The following NDUFA8 variants were observed in gnomAD, a reference collection of about 807,000 sequenced individuals.
NDUFA8 encodes the protein NADH dehydrogenase [ubiquinone] 1 alpha subcomplex subunit 8.
Under a neutral mutation model 20.9 loss-of-function variants are expected in NDUFA8, and 16 were observed. The observed-to-expected ratio is 0.77, with a 90% CI of 0.52 to 1.16. NDUFA8 has a LOEUF of 1.16. Among genes scored for constraint, NDUFA8 ranks in the 50% most tolerant of loss-of-function variants. The pLI, the probability that NDUFA8 is intolerant of heterozygous loss-of-function variation, is 0.00. For synonymous variants in NDUFA8, 70 were observed against 76.1 expected (o/e 0.92, Z 0.41); for missense variants, 202 against 216.4 (o/e 0.93, Z 0.42).
downstream of NDUFA8, among the ~76,000 whole-genome samples, chr9:122,139,972 C>T (rs372785604): frequency 6.6e-6 from 1 of 152,194 alleles, no homozygotes; most frequent in Non-Finnish European, 1.5e-5. Flanking sequence ...GGATTACAGG[C>T]GTGAGCCACC....
At chr9:122,139,061 C>T (rs1027063782), downstream of NDUFA8, among the ~76,000 whole-genome samples, 2 of 152,130 alleles carry the variant, frequency 1.3e-5, no homozygotes, top group African/African-American at 4.8e-5. Context: ...TGGCAGGAAA[C>T]GTCCCTATGA....
At chr9:122,155,980 G>C (rs936958686) in intron 1 of NDUFA8, among the ~76,000 whole-genome samples, 1 of 152,220 alleles carries the variant, frequency 6.6e-6, no homozygotes, top group Non-Finnish European at 1.5e-5. Context: ...AGAGGGATGT[G>C]CTAGAGACAA....
intron 2 of NDUFA8, among the ~76,000 whole-genome samples, chr9:122,150,444 C>T (rs1209900811): frequency 8.2e-6 from 1 of 121,304 alleles, no homozygotes; most frequent in South Asian, 2.8e-4. Context: ...AAAAGCAATA[C>T]AGTTCAAGAG....
chr9:122,150,898 G>A (rs1483795328), intron 2 of NDUFA8, among the ~76,000 whole-genome samples: 1 of 149,898 alleles, frequency 6.7e-6, no homozygotes, highest in African/African-American at 2.5e-5. Context: ...CTTGAAGCCA[G>A]GAGGCAGAGG....
Position 122,148,155 on chromosome 9 carries a change from T to C in NDUFA8, c.338A>G (p.Asp113Gly). 1 of 1,614,172 alleles carries C rather than the reference T, an allele frequency of 6.2e-7. No individual in the cohort carries two copies. The highest frequency in any genetic ancestry group is 8.5e-7 in the Non-Finnish European group (1 of 1,180,024). Residue 113 changes from aspartate (D) to glycine (G), a missense_variant, in exon 3 of 4, where the codon GAC becomes GGC. Transcript: ENST00000373768. Reference sequence around the variant, plus strand: ...GTCAGGCCGCACCCAGCCCAGTTTGTCCAGCACACACTCGTCAAACTTTGC... The same window carrying C: ...GTCAGGCCGCACCCAGCCCAGTTTGCCCAGCACACACTCGTCAAACTTTGC... The part of the protein sequence containing the change: ...QQAKFDECVL[D>G]KLGWVRPDLG...
intron 1 of NDUFA8, among the ~76,000 whole-genome samples, 162 bp from the exon 2 acceptor site, chr9:122,152,570 T>TTTG (rs1829020405): frequency 1.3e-5 from 2 of 151,620 alleles, no homozygotes; most frequent in African/African-American, 4.9e-5. Context: ...TTTTTTTTTT[T>TTTG]TTGAGACAGG....
chr9:122,148,457 A>G (rs1030918932), intron 2 of NDUFA8, among the ~76,000 whole-genome samples, 180 bp from the exon 3 acceptor site: 4 of 152,208 alleles, frequency 2.6e-5, no homozygotes, highest in African/African-American at 9.6e-5. Context: ...ACAAGTTAGT[A>G]AACAAAAAAG....
the NDUFA8 span, among the ~76,000 whole-genome samples, chr9:122,138,865 T>TGC: frequency 1.1e-5 from 1 of 89,384 alleles, no homozygotes; most frequent in African/African-American, 4.0e-5. Flanking sequence ...CAAGAAGAGG[T>TGC]GGGGGGGGGG....
intron 3 of NDUFA8, 151 bp downstream of exon 3, chr9:122,147,961 T>C: frequency 1.0e-6 from 1 of 976,568 alleles, no homozygotes; most frequent in South Asian, 1.3e-5. Flanking sequence ...CCTTTCTGGA[T>C]TGTGTATAAT....
intron 2 of NDUFA8, among the ~76,000 whole-genome samples, chr9:122,151,455 G>A (rs4147656): frequency 0.31 from 47,615 of 152,132 alleles, 11,127 homozygotes; most frequent in African/African-American, 0.66. Context: ...CTGGATAAAG[G>A]GCACACTTTG....
At chr9:122,144,456 T>A in intron 3 of NDUFA8, 78 bp from the exon 4 acceptor site, 15 of 1,328,778 alleles carry the variant, frequency 1.1e-5, no homozygotes, top group Non-Finnish European at 1.6e-5. Flanking sequence ...CGCCTCCTGG[T>A]GTCTCCTCAT....
the NDUFA8 span, chr9:122,132,922 G>A: frequency 2.2e-6 from 1 of 456,128 alleles, no homozygotes; most frequent in Non-Finnish European, 4.4e-6. Context: ...TCTTCACCAT[G>A]ATGCTGCAGT....
At chr9:122,156,893 T>A (rs1456009286) in intron 1 of NDUFA8, among the ~76,000 whole-genome samples, 1 of 152,250 alleles carries the variant, frequency 6.6e-6, no homozygotes, top group East Asian at 1.9e-4. Flanking sequence ...CCACTGAGAC[T>A]AGTCTCCCTG....
At chr9:122,146,876 A>T (rs1846999960) in intron 3 of NDUFA8, among the ~76,000 whole-genome samples, 1 of 152,148 alleles carries the variant, frequency 6.6e-6, no homozygotes, top group Non-Finnish European at 1.5e-5. Context: ...AGCCTAGGAG[A>T]GAGAGTAAGA....
intron 2 of NDUFA8, among the ~76,000 whole-genome samples, chr9:122,150,614 G>A (rs1212246232): frequency 1.3e-5 from 2 of 151,936 alleles, no homozygotes; most frequent in Admixed American, 1.3e-4. Flanking sequence ...TTCAATAACA[G>A]GAATTGGTCA....
At chr9:122,138,987 G>C in the NDUFA8 span, among the ~76,000 whole-genome samples, 1 of 152,066 alleles carries the variant, frequency 6.6e-6, no homozygotes, top group East Asian at 1.9e-4. Context: ...GAGTCACACT[G>C]TGAGGAGACT....
At chr9:122,151,302 T>C (rs887882522) in intron 2 of NDUFA8, among the ~76,000 whole-genome samples, 3 of 152,220 alleles carry the variant, frequency 2.0e-5, no homozygotes, top group Non-Finnish European at 2.9e-5. Context: ...GCAATGTGGT[T>C]TGGATGAAGC....
Position 122,144,446 on chromosome 9 carries a change from C to T in NDUFA8, c.382-68G>A, listed in dbSNP as rs1357967529. The T allele has an allele frequency of 3.4e-5, 48 of 1,429,138 alleles. No homozygotes were observed. In the Middle Eastern group the frequency reaches 1.1e-3, roughly 32 times the overall value. 88.5% of individuals were successfully genotyped at this position (1,429,138 alleles called of 1,614,324 possible). A position where few individuals can be genotyped will look rare whatever the true frequency, so the allele number is the denominator to read the frequency against. ...GTGGAGGAATCTGTAACCATCAATG[C>T]GCCTCCTGGTGTCTCCTCATTGCTC... On this transcript the variant is annotated intron_variant, in intron 3 of 3. Transcript: ENST00000373768.
chr9:122,141,310 C>A (rs1441469722), downstream of NDUFA8, among the ~76,000 whole-genome samples: 1 of 152,104 alleles, frequency 6.6e-6, no homozygotes, highest in Non-Finnish European at 1.5e-5. Context: ...GCACGTGGAG[C>A]AAACTTGAGG....
Sources: gnomAD v4.1 joint callset for allele counts (sites outside exome capture counted in the v4.1 genomes callset) on GRCh38, gnomAD v4.1.1 for gene constraint, MANE v1.5 for transcripts, NCBI Gene and HGNC (gene_info 2026-07-23, HGNC 2026-07-21) for gene names.